GPHN: variants seen among roughly 807,000 people sequenced by gnomAD.
GPHN encodes gephyrin.
In GPHN, 17 loss-of-function variants were observed where a neutral mutation model predicts 95.5. The ratio of observed to expected loss-of-function variants is 0.18; its 90% CI spans 0.12 to 0.27. The LOEUF is 0.27. GPHN is among the 10% of genes least tolerant of loss of function. The probability of loss-of-function intolerance (pLI) is 1.00; values close to 1 mark genes in which losing one functional copy is unlikely to be tolerated. For synonymous variants in GPHN, 320 were observed against 322.5 expected, an observed-to-expected ratio of 0.99 and a Z score of 0.08; for missense variants, 660 against 978.1, an observed-to-expected ratio of 0.67 and a Z score of 4.34.
chr14:67,665,376 A>G, the GPHN span, among the ~76,000 whole-genome samples: 1 of 151,436 alleles, frequency 6.6e-6, no homozygotes, highest in Non-Finnish European at 1.5e-5. Flanking sequence ...TGCTCAAGCA[A>G]TTCTCCTGCC....
the GPHN span, among the ~76,000 whole-genome samples, chr14:67,412,523 C>G: frequency 6.6e-6 from 1 of 152,120 alleles, no homozygotes; most frequent in South Asian, 2.1e-4. Context: ...TGAGCCGAAA[C>G]TGGTATGGGA....
chr14:66,727,761 C>G (rs570274129), intron 2 of GPHN, among the ~76,000 whole-genome samples: 1 of 152,110 alleles, frequency 6.6e-6, no homozygotes, highest in Non-Finnish European at 1.5e-5. Context: ...GGAAACAGAA[C>G]ATAAAAGTTT....
At chr14:67,123,933 A>G (rs2079149162) in intron 17 of GPHN, among the ~76,000 whole-genome samples, 3 of 152,334 alleles carry the variant, frequency 2.0e-5, no homozygotes, top group South Asian at 4.1e-4. Context: ...CTTGGACACA[A>G]GCATCTTGCC....
At chr14:67,364,839 C>G in the GPHN span, 1 of 1,613,904 alleles carries the variant, frequency 6.2e-7, no homozygotes, top group African/African-American at 1.3e-5. Flanking sequence ...TGGTGAATGT[C>G]AGATCCATTG....
chr14:67,419,262 GGACCCC>G, the GPHN span, among the ~76,000 whole-genome samples: 4 of 152,108 alleles, frequency 2.6e-5, no homozygotes, highest in Admixed American at 6.5e-5. Flanking sequence ...GGATGTCTGA[GGACCCC>G]CCAGCACAGG....
chr14:67,034,368 T>C (rs1384694054), intron 10 of GPHN, among the ~76,000 whole-genome samples: 1 of 151,968 alleles, frequency 6.6e-6, no homozygotes, highest in Non-Finnish European at 1.5e-5. Context: ...ATATCGATAA[T>C]GCAAAGGAAG....
intron 2 of GPHN, among the ~76,000 whole-genome samples, chr14:66,681,712 T>C (rs781420625): frequency 2.0e-5 from 3 of 152,204 alleles, no homozygotes; most frequent in Non-Finnish European, 4.4e-5. Context: ...CCATTCTTTA[T>C]TGGCATATCT....
At position 67,162,415 on chromosome 14, in the gene GPHN, T is replaced by C. The variant is rs536981863; in HGVS notation, c.1911-2747T>C. On this transcript the variant is annotated intron_variant, in intron 19 of 22. Transcript: ENST00000478722. ...GAACTTAAAGGTAATTGCTACTTAA[T>C]ATTAGAACAAAAGAAATATAAAACA... Among the ~76,000 whole-genome samples, 85 of 152,368 alleles carry C rather than the reference T, an allele frequency of 5.6e-4. 1 individual carries two copies. The highest frequency in any genetic ancestry group is 3.3e-3 in the Admixed American group (50 of 15,300).
intron 1 of GPHN, among the ~76,000 whole-genome samples, chr14:66,626,633 A>G (rs1372966670): frequency 6.6e-6 from 1 of 152,106 alleles, no homozygotes; most frequent in Non-Finnish European, 1.5e-5. Flanking sequence ...AATAATTTCT[A>G]ATGTCTTTTT....
At chr14:67,557,751 A>G in the GPHN span, among the ~76,000 whole-genome samples, 1 of 152,200 alleles carries the variant, frequency 6.6e-6, no homozygotes, top group Non-Finnish European at 1.5e-5. Flanking sequence ...AAGGGTGGAA[A>G]CACCTCATAG....
At chr14:67,152,424 T>A (rs1325855819) in intron 18 of GPHN, among the ~76,000 whole-genome samples, 1 of 152,084 alleles carries the variant, frequency 6.6e-6, no homozygotes, top group African/African-American at 2.4e-5. Flanking sequence ...ATGAATCTCA[T>A]AAATATATAA....
At chr14:66,774,420 A>C (rs2059307437) in intron 2 of GPHN, among the ~76,000 whole-genome samples, 1 of 152,234 alleles carries the variant, frequency 6.6e-6, no homozygotes, top group East Asian at 1.9e-4. Context: ...ATTAGAAAAA[A>C]AAATTTACTT....
At chr14:67,655,651 A>G in the GPHN span, among the ~76,000 whole-genome samples, 125 of 152,308 alleles carry the variant, frequency 8.2e-4, no homozygotes, top group Non-Finnish European at 1.5e-3. Context: ...TTGGCTCTAA[A>G]TAACAGGATA....
At chr14:66,635,482 A>G (rs1489830659) in intron 1 of GPHN, among the ~76,000 whole-genome samples, 1 of 152,208 alleles carries the variant, frequency 6.6e-6, no homozygotes. Context: ...ACTTCACAGA[A>G]GCCAGTATAC....
chr14:67,360,127 T>C, the GPHN span: 1 of 420,118 alleles, frequency 2.4e-6, no homozygotes, highest in Non-Finnish European at 4.2e-6. Context: ...GATTCATTCT[T>C]CAGAGGCAAG....
At chr14:66,777,614 GCTTATCCACCA>G (rs1414253119) in intron 3 of GPHN, among the ~76,000 whole-genome samples, 2 of 152,094 alleles carry the variant, frequency 1.3e-5, no homozygotes, top group Non-Finnish European at 2.9e-5. Context: ...ACATCAAAAA[GCTTATCCACCA>G]CGATCAAGTG....
At chr14:66,649,249 G>A (rs984536273) in intron 1 of GPHN, among the ~76,000 whole-genome samples, 5 of 151,970 alleles carry the variant, frequency 3.3e-5, no homozygotes, top group Non-Finnish European at 5.9e-5. Context: ...CAGGAGAATC[G>A]CTTGAACCTG....
chr14:67,131,452 C>G (rs1567378563), intron 17 of GPHN, among the ~76,000 whole-genome samples: 2 of 152,074 alleles, frequency 1.3e-5, no homozygotes, highest in Non-Finnish European at 2.9e-5. Context: ...TCCATGAAAC[C>G]TAGAAACTTT....
chr14:67,348,734 C>G, the GPHN span: 2 of 232,618 alleles, frequency 8.6e-6, no homozygotes, highest in African/African-American at 4.7e-5. Context: ...GTTGGCCAGG[C>G]TGGTCTCGAA....
Sources: allele counts gnomAD v4.1 joint callset (sites outside exome capture counted in the v4.1 genomes callset), GRCh38; gene constraint gnomAD v4.1.1; transcripts MANE v1.5; gene names NCBI Gene and HGNC (gene_info 2026-07-23, HGNC 2026-07-21).